The following UBE2V1 variants were observed in gnomAD, a reference collection of about 807,000 sequenced individuals.
UBE2V1 encodes ubiquitin-conjugating enzyme E2 variant 1.
Under a neutral mutation model 19.6 loss-of-function variants are expected in UBE2V1, and 15 were observed. The ratio of observed to expected loss-of-function variants is 0.77; its 90% CI spans 0.51 to 1.18. The LOEUF is 1.18. Ranked by LOEUF, UBE2V1 falls within the 50% of genes most tolerant of loss-of-function variation. The pLI, the probability that UBE2V1 is intolerant of heterozygous loss-of-function variation, is 0.00. For synonymous variants in UBE2V1, 60 were observed against 60.7 expected, an observed-to-expected ratio of 0.99 and a Z score of 0.05; for missense variants, 125 against 184.8, an observed-to-expected ratio of 0.68 and a Z score of 1.88.
chr20:50,106,020 T>C (rs1289148157), intron 1 of UBE2V1, among the ~76,000 whole-genome samples: 2 of 152,094 alleles, frequency 1.3e-5, no homozygotes, highest in African/African-American at 2.4e-5. Context: ...GGCTCTATAA[T>C]AGCTAGGAAG....
chr20:50,105,842 A>G (rs2080317903), intron 1 of UBE2V1, among the ~76,000 whole-genome samples: 1 of 152,194 alleles, frequency 6.6e-6, no homozygotes, highest in South Asian at 2.1e-4. Context: ...AGGCATGACA[A>G]TCACTTGAAC....
At chr20:50,100,057 C>G (rs980172638) in intron 1 of UBE2V1, among the ~76,000 whole-genome samples, 2 of 152,094 alleles carry the variant, frequency 1.3e-5, no homozygotes, top group African/African-American at 4.8e-5. Flanking sequence ...GAGACTGCAC[C>G]ACTGCACTCC....
intron 2 of UBE2V1, among the ~76,000 whole-genome samples, chr20:50,085,255 CT>C (rs1568968983): frequency 1.3e-5 from 2 of 152,124 alleles, no homozygotes; most frequent in African/African-American, 4.8e-5. Context: ...GTCCAACCCC[CT>C]ATGCCAATAA....
At chr20:50,107,218 A>G (rs1469793717) in intron 1 of UBE2V1, among the ~76,000 whole-genome samples, 1 of 152,236 alleles carries the variant, frequency 6.6e-6, no homozygotes, top group Non-Finnish European at 1.5e-5. Flanking sequence ...CAAACTCGCT[A>G]GAAATGTACA....
At chr20:50,082,979 G>A (rs1036328853) in intron 3 of UBE2V1, 65 bp from the exon 4 acceptor site, 2 of 1,586,496 alleles carry the variant, frequency 1.3e-6, no homozygotes, top group South Asian at 2.2e-5. Context: ...ATATGCCGGG[G>A]TTAAGCTAAG....
intron 1 of UBE2V1, chr20:50,104,281 A>T: frequency 7.6e-6 from 1 of 131,318 alleles, no homozygotes; most frequent in Non-Finnish European, 1.1e-5. Flanking sequence ...ACTCCGTCTC[A>T]AAAAAAAAAA....
At chr20:50,089,274 T>C (rs1214640335) in intron 2 of UBE2V1, among the ~76,000 whole-genome samples, 2 of 152,096 alleles carry the variant, frequency 1.3e-5, no homozygotes, top group Non-Finnish European at 2.9e-5. Context: ...AACTCAGAAC[T>C]CTGAGGAAGG....
chr20:50,087,667 A>G (rs575118872), intron 2 of UBE2V1, among the ~76,000 whole-genome samples: 1 of 152,298 alleles, frequency 6.6e-6, no homozygotes, highest in South Asian at 2.1e-4. Flanking sequence ...CAACATGTGA[A>G]ATGGGCATGC....
intron 1 of UBE2V1, among the ~76,000 whole-genome samples, chr20:50,106,249 G>A (rs768949679): frequency 7.9e-5 from 12 of 152,128 alleles, no homozygotes; most frequent in East Asian, 1.9e-4. Flanking sequence ...AAAGTCAGCC[G>A]GTTATTCTCT....
At chr20:50,114,207 G>A (rs565337854), upstream of UBE2V1, among the ~76,000 whole-genome samples, 2 of 152,294 alleles carry the variant, frequency 1.3e-5, no homozygotes, top group East Asian at 3.9e-4. Context: ...TGAAGGGACT[G>A]GCTTAAGGTC....
chr20:50,085,526 C>T (rs1331236032), intron 2 of UBE2V1, among the ~76,000 whole-genome samples: 3 of 152,144 alleles, frequency 2.0e-5, no homozygotes, highest in Admixed American at 6.5e-5. Context: ...TCTGTGGGTT[C>T]CCCTGTCAGG....
At chr20:50,113,341 C>T (rs1309628787), upstream of UBE2V1, 4 of 389,496 alleles carry the variant, frequency 1.0e-5, no homozygotes, top group Non-Finnish European at 1.8e-5. Context: ...CTGCAAGTCC[C>T]CACACATCGG....
intron 2 of UBE2V1, among the ~76,000 whole-genome samples, chr20:50,088,118 A>C (rs2079027607): frequency 6.6e-6 from 1 of 150,770 alleles, no homozygotes; most frequent in Non-Finnish European, 1.5e-5. Context: ...AAAAAAAAAA[A>C]AGACAAATTC....
At chr20:50,103,529 C>T (rs553180481) in intron 1 of UBE2V1, among the ~76,000 whole-genome samples, 7 of 152,136 alleles carry the variant, frequency 4.6e-5, no homozygotes, top group Non-Finnish European at 1.0e-4. Context: ...CCTCAGCCTC[C>T]CAAGTAGCTG....
intron 1 of UBE2V1, among the ~76,000 whole-genome samples, chr20:50,106,895 A>T (rs2080422513): frequency 6.6e-6 from 1 of 151,984 alleles, no homozygotes. Context: ...AAACAAAAAA[A>T]AGGTAGAACC....
In UBE2V1 at chr20:50,113,134, G is replaced by A. The variant is rs1446502857; in HGVS notation, c.-6C>T. On this transcript the variant is annotated 5_prime_UTR_variant, in exon 1 of 4. The change creates a new upstream start codon in the 5' untranslated region. Coordinates refer to ENST00000371674, the MANE Select transcript of UBE2V1 (RefSeq NM_001032288.3). ...GAGCCCGTGGTGGCTGCCATCTTGC[G>A]TCGCTCTTGCTTGAAGGCCGGCCCC... 2 of 1,372,442 alleles carry A rather than the reference G, an allele frequency of 1.5e-6. No homozygotes were observed. Among genetic ancestry groups the A allele is most frequent in the Non-Finnish European group, 1.9e-6 (2 of 1,049,584 alleles). The allele number at this position is 1,372,442 out of a possible 1,614,324, so 85.0% of individuals were successfully genotyped here.
At chr20:50,091,934 T>C (rs1459546559) in intron 2 of UBE2V1, among the ~76,000 whole-genome samples, 1 of 152,226 alleles carries the variant, frequency 6.6e-6, no homozygotes, top group African/African-American at 2.4e-5. Context: ...ACTTTTCTTT[T>C]ACTTCCTACA....
In UBE2V1 at chr20:50,088,946, C is replaced by T. The variant is rs116140208; in HGVS notation, c.172-4692G>A. On this transcript the variant is annotated intron_variant, in intron 2 of 3. Coordinates refer to ENST00000371674, the MANE Select transcript of UBE2V1 (RefSeq NM_001032288.3). Reference sequence around the variant, plus strand: ...ATCTTACATAGTTATATACAAATTACGTTTAATGTACAATGTGGGTACATG... The same window carrying T: ...ATCTTACATAGTTATATACAAATTATGTTTAATGTACAATGTGGGTACATG... 6.3e-3 allele frequency among the ~76,000 whole-genome samples: 952 copies of T among 152,250 alleles called. 18 individuals are homozygous for T. The highest frequency in any genetic ancestry group is 0.022 in the African/African-American group (904 of 41,554).
intron 1 of UBE2V1, among the ~76,000 whole-genome samples, chr20:50,097,903 C>A (rs1012345366): frequency 1.3e-5 from 2 of 152,130 alleles, no homozygotes; most frequent in African/African-American, 4.8e-5. Flanking sequence ...GCCATTAATT[C>A]AATTGGAATA....
Sources: allele counts gnomAD v4.1 joint callset (sites outside exome capture counted in the v4.1 genomes callset), GRCh38; gene constraint gnomAD v4.1.1; transcripts MANE v1.5; gene names NCBI Gene and HGNC (gene_info 2026-07-23, HGNC 2026-07-21).